SLC1A7: variants seen among roughly 807,000 people sequenced by gnomAD.
SLC1A7 encodes the protein excitatory amino acid transporter 5.
SLC1A7 carries 40 observed loss-of-function variants against 47.7 expected under a neutral mutation model. The ratio of observed to expected loss-of-function variants is 0.84; its 90% CI spans 0.65 to 1.09. SLC1A7 has a LOEUF of 1.09. Ranked by LOEUF, SLC1A7 falls within the 50% of genes least tolerant of loss-of-function variation. SLC1A7 has a pLI of 0.00. For missense variants in SLC1A7, 746 were observed against 769.5 expected (o/e 0.97, Z 0.36); for synonymous variants, 323 against 325.6 (o/e 0.99, Z 0.09).
At chr1:53,125,549 GC>G (rs1002963899) in intron 2 of SLC1A7, among the ~76,000 whole-genome samples, 11 of 152,190 alleles carry the variant, frequency 7.2e-5, no homozygotes, top group African/African-American at 2.7e-4. Context: ...AGCCGAGATG[GC>G]CTGGCATTCA....
At chr1:53,136,439 C>T (rs966323419) in intron 1 of SLC1A7, among the ~76,000 whole-genome samples, 5 of 147,722 alleles carry the variant, frequency 3.4e-5, no homozygotes, top group South Asian at 2.1e-4. Context: ...TTGATCCGCC[C>T]GCCTCGGCCT....
chr1:53,140,127 G>C (rs1465677090), intron 1 of SLC1A7, among the ~76,000 whole-genome samples: 1 of 152,194 alleles, frequency 6.6e-6, no homozygotes, highest in African/African-American at 2.4e-5. Context: ...TTCAAAGTAA[G>C]ATGCTGAGAA....
chr1:53,121,563 C>G (rs116433199), intron 2 of SLC1A7, among the ~76,000 whole-genome samples: 1 of 152,186 alleles, frequency 6.6e-6, no homozygotes, highest in African/African-American at 2.4e-5. Flanking sequence ...CCAAGGCCCC[C>G]GACAGCATGT....
Position 53,104,435 on chromosome 1 carries a change from G to A in SLC1A7, c.475-867C>T, listed in dbSNP as rs146882482. ...ATGATTTCTGCCTTGCGGAGGGAGT[G>A]ACTAATTGGCTGAAAGAGTTAGCTT... On this transcript the variant is annotated intron_variant, in intron 4 of 10. Transcript: ENST00000371494. Among the ~76,000 whole-genome samples the A allele has an allele frequency of 6.4e-3, 978 of 152,276 alleles. 11 individuals are homozygous for A. Among genetic ancestry groups the A allele is most frequent in the African/African-American group, 0.022 (935 of 41,558 alleles).
intron 2 of SLC1A7, among the ~76,000 whole-genome samples, chr1:53,117,125 T>G (rs1052011248): frequency 6.6e-6 from 1 of 152,146 alleles, no homozygotes; most frequent in Non-Finnish European, 1.5e-5. Flanking sequence ...TTGACCTGGC[T>G]CTTGGAAATG....
At chr1:53,118,993 G>A (rs979406087) in intron 2 of SLC1A7, among the ~76,000 whole-genome samples, 5 of 151,942 alleles carry the variant, frequency 3.3e-5, no homozygotes, top group Middle Eastern at 3.4e-3. Context: ...GTGAAACTCC[G>A]TTTCAAAAAA....
intron 3 of SLC1A7, 74 bp downstream of exon 3, chr1:53,114,684 C>G: frequency 7.5e-7 from 1 of 1,327,580 alleles, no homozygotes; most frequent in South Asian, 1.2e-5. Flanking sequence ...ACACCCCGTC[C>G]TGGCCTCTGG....
chr1:53,099,992 CATCT>C (rs1439514333), intron 5 of SLC1A7, among the ~76,000 whole-genome samples: 3 of 150,992 alleles, frequency 2.0e-5, no homozygotes, highest in Non-Finnish European at 2.9e-5. Flanking sequence ...TCACACACTC[CATCT>C]GAGTACACTC....
At chr1:53,097,098 C>T (rs1288413) in intron 5 of SLC1A7, among the ~76,000 whole-genome samples, 82,006 of 150,174 alleles carry the variant, frequency 0.55, 26,136 homozygotes, top group Non-Finnish European at 0.72. Context: ...CACACTGCCT[C>T]GGCACACTCA....
rs1644741747 is a variant in SLC1A7 at position 53,114,950 on chromosome 1, A to C, written c.239T>G (p.Leu80Arg). The change falls in exon 3 of 11, where the codon CTG (leucine) becomes CGG (arginine). Residue 80 changes from leucine to arginine, a missense_variant. Transcript: ENST00000371494. ...VSSLMSGLAS[L>R]DAKTSSRLGV... is the part of the protein sequence containing the mutation. Reference sequence around the variant, plus strand: ...CAGGCGGCTAGAGGTCTTGGCATCCAGGGAGGCAAGTCCGGACATCAAGCT... The same window carrying C: ...CAGGCGGCTAGAGGTCTTGGCATCCCGGGAGGCAAGTCCGGACATCAAGCT... The C allele has an allele frequency of 6.2e-7, 1 of 1,613,700 alleles. No individual in the cohort carries two copies. The highest frequency in any genetic ancestry group is 1.7e-5 in the Admixed American group (1 of 59,996).
intron 2 of SLC1A7, among the ~76,000 whole-genome samples, chr1:53,132,511 G>A (rs1324540678): frequency 6.6e-6 from 1 of 152,156 alleles, no homozygotes; most frequent in Non-Finnish European, 1.5e-5. Flanking sequence ...AACAGGAAAA[G>A]GAGGCAGTTT....
chr1:53,141,064 C>G (rs1317582369), intron 1 of SLC1A7, among the ~76,000 whole-genome samples: 1 of 152,204 alleles, frequency 6.6e-6, no homozygotes, highest in East Asian at 1.9e-4. Context: ...AGCCTCTCTC[C>G]TTGACCACAC....
chr1:53,129,481 TCAAGCG>T (rs1644917386), intron 2 of SLC1A7, among the ~76,000 whole-genome samples: 1 of 140,378 alleles, frequency 7.1e-6, no homozygotes, highest in Non-Finnish European at 1.6e-5. Context: ...CCACCACTGG[TCAAGCG>T]TGGGCTGCAC....
At chr1:53,121,855 C>G (rs1459219111) in intron 2 of SLC1A7, among the ~76,000 whole-genome samples, 1 of 152,158 alleles carries the variant, frequency 6.6e-6, no homozygotes, top group Admixed American at 6.5e-5. Flanking sequence ...GGCTGGTGGG[C>G]CCCCTGCCTG....
intron 1 of SLC1A7, among the ~76,000 whole-genome samples, chr1:53,136,204 T>TA (rs1557693029): frequency 6.1e-5 from 9 of 147,604 alleles, no homozygotes; most frequent in Non-Finnish European, 1.3e-4. Context: ...ATATATATAT[T>TA]TTTTAGACAG....
intron 2 of SLC1A7, among the ~76,000 whole-genome samples, chr1:53,123,850 G>A (rs1339120988): frequency 6.6e-6 from 1 of 152,204 alleles, no homozygotes; most frequent in African/African-American, 2.4e-5. Flanking sequence ...TGGGCAGAAG[G>A]GCCAAAGGCA....
intron 10 of SLC1A7, among the ~76,000 whole-genome samples, chr1:53,088,629 C>G (rs913508816): frequency 6.6e-6 from 1 of 152,210 alleles, no homozygotes; most frequent in African/African-American, 2.4e-5. Context: ...GACACGAGGG[C>G]GGGGAATTTT....
chr1:53,092,781 G>C lies in SLC1A7; in HGVS notation c.804C>G (p.Phe268Leu). 1 of 1,609,382 alleles carries C rather than the reference G, an allele frequency of 6.2e-7. No homozygotes were observed. Among genetic ancestry groups the C allele is most frequent in the East Asian group, 2.2e-5 (1 of 44,806 alleles). Residue 268 changes from phenylalanine (F) to leucine (L), a missense_variant, in exon 7 of 11, where the codon TTC becomes TTG. Phe to Leu is a conservative substitution (Grantham distance 22). Transcript: ENST00000371494. ...CAATGAGGAACACAATGCCGAAGGG[G>C]AAATACCTGGGGGCGGCGGGGCAGC... is the stretch of plus-strand genomic sequence containing the variant. ...MKIVAVAVWYFPFGIVFLIAG... is the reference protein window; with the variant it reads ...MKIVAVAVWYLPFGIVFLIAG...
Position 53,103,431 on chromosome 1 carries a change from C to T in SLC1A7, c.612G>A (p.Pro204=), listed in dbSNP as rs572643833. The change falls in exon 5 of 11, where the codon CCG becomes CCA. Residue 204 remains proline, a synonymous_variant. Coordinates refer to ENST00000371494, the MANE Select transcript of SLC1A7 (RefSeq NM_006671.6). ...HVQNFALDLT[P]PPEVVYKSEP... is the part of the protein sequence containing the mutation. ...CTGACTTGTAAACGACCTCGGGCGG[C>T]GGGGTCAGGTCCAGGGCGAAGTTCT... 10 of 1,611,976 alleles carry T rather than the reference C, an allele frequency of 6.2e-6. No individual in the cohort carries two copies. The South Asian group carries it at 7.7e-5, about 12-fold the overall frequency.
Sources: gnomAD v4.1 joint callset for allele counts (sites outside exome capture counted in the v4.1 genomes callset) on GRCh38, gnomAD v4.1.1 for gene constraint, MANE v1.5 for transcripts, NCBI Gene and HGNC (gene_info 2026-07-23, HGNC 2026-07-21) for gene names.